The following ABCC9 variants were observed in gnomAD, a reference collection of about 807,000 sequenced individuals.
ABCC9 encodes the protein ATP-binding cassette sub-family C member 9.
A neutral mutation model predicts 188.3 loss-of-function variants in ABCC9; 95 were observed. The ratio of observed to expected loss-of-function variants is 0.50; its 90% CI spans 0.43 to 0.60. The LOEUF is 0.60. ABCC9 is among the 20% of genes least tolerant of loss of function. The probability of loss-of-function intolerance (pLI) is 0.00; values close to 1 mark genes in which losing one functional copy is unlikely to be tolerated. For synonymous variants in ABCC9, 659 were observed against 652.7 expected (o/e 1.01, Z -0.15); for missense variants, 1,102 against 1,876.3 (o/e 0.59, Z 7.62).
chr12:21,893,927 G>T, intron 14 of ABCC9, 105 bp downstream of exon 14: 1 of 1,129,428 alleles, frequency 8.9e-7, no homozygotes, highest in Non-Finnish European at 1.3e-6. Context: ...GTTGTCTCCT[G>T]GCAGTGATTT....
intron 35 of ABCC9, 106 bp downstream of exon 35, chr12:21,814,538 A>T (rs1321741341): frequency 1.1e-6 from 1 of 930,948 alleles, no homozygotes; most frequent in African/African-American, 1.7e-5. Context: ...TAGAGCACAA[A>T]GTCCTTATAA....
intron 8 of ABCC9, 53 bp downstream of exon 8, chr12:21,912,813 GACAATT>G: frequency 1.3e-6 from 2 of 1,554,476 alleles, no homozygotes; most frequent in Non-Finnish European, 1.8e-6. Flanking sequence ...AATAAAAAGT[GACAATT>G]ACAATGAAAT....
In ABCC9 at chr12:21,838,002, G is replaced by T. The variant is rs1944190823; in HGVS notation, c.3566+76C>A. ...GGAGATCAAACAAAATGAAAGCAAT[G>T]ATCAGTTATTTGTAGAAAAATATTT... On this transcript the variant is annotated intron_variant, in intron 30 of 39. Transcript: ENST00000261200. The T allele has an allele frequency of 3.4e-6, 4 of 1,179,646 alleles. No individual in the cohort carries two copies. The East Asian group carries it at 7.0e-5, about 21-fold the overall frequency. 73.1% of individuals were successfully genotyped at this position (1,179,646 alleles called of 1,614,324 possible).
chr12:21,931,930 C>G (rs1029879928), intron 4 of ABCC9, among the ~76,000 whole-genome samples: 2 of 152,048 alleles, frequency 1.3e-5, no homozygotes, highest in African/African-American at 2.4e-5. Context: ...GCGAAAAGCC[C>G]TCATAAAACA....
intron 22 of ABCC9, among the ~76,000 whole-genome samples, chr12:21,854,876 C>T (rs1160858223): frequency 6.6e-6 from 1 of 152,068 alleles, no homozygotes; most frequent in African/African-American, 2.4e-5. Context: ...GTGATATCTC[C>T]ACAGCAATGG....
In ABCC9 at chr12:21,829,018, A is replaced by G; in HGVS notation, c.3609T>C (p.Asp1203=). The G allele has an allele frequency of 6.2e-7, 1 of 1,614,038 alleles. No homozygotes were observed. The highest frequency in any genetic ancestry group is 8.5e-7 in the Non-Finnish European group (1 of 1,179,962). The change falls in exon 31 of 40, where the codon GAT becomes GAC. Residue 1203 remains aspartate, a synonymous_variant. Transcript: ENST00000261200. ...GAAATAAGTAGGCAATGTTGTTTGT[A>G]TCCGTCAGTTCCAGCATACGTTGTT... is the stretch of plus-strand genomic sequence containing the variant. ...RFKQRMLELT[D]TNNIAYLFLS...
Position 21,852,083 on chromosome 12 carries a change from CTA to C in ABCC9, c.2769+12_2769+13del. On this transcript the variant is annotated intron_variant, in intron 24 of 39. Coordinates refer to ENST00000261200, the MANE Select transcript of ABCC9 (RefSeq NM_020297.4). ...GAATTGGGCTCTGAACTCTTCTGAA[CTA>C]TGAGCACTTACCTTTTCTAATTCTT... The C allele has an allele frequency of 6.2e-7, 1 of 1,613,428 alleles. No individual in the cohort carries two copies. Among genetic ancestry groups the C allele is most frequent in the East Asian group, 2.2e-5 (1 of 44,798 alleles).
At chr12:21,841,565 G>A (rs1944397760) in intron 29 of ABCC9, among the ~76,000 whole-genome samples, 3 of 151,582 alleles carry the variant, frequency 2.0e-5, no homozygotes, top group Non-Finnish European at 4.4e-5. Flanking sequence ...CACCATGTTG[G>A]TCAGGCTGGT....
At chr12:21,903,375 A>G (rs1410801397) in intron 12 of ABCC9, among the ~76,000 whole-genome samples, 2 of 152,246 alleles carry the variant, frequency 1.3e-5, no homozygotes, top group Non-Finnish European at 2.9e-5. Context: ...GGCACAAGAC[A>G]GGGATGCCCT....
At chr12:21,875,578 G>A (rs980351036) in intron 17 of ABCC9, 76 bp downstream of exon 17, 8 of 1,094,456 alleles carry the variant, frequency 7.3e-6, no homozygotes, top group Non-Finnish European at 1.1e-5. Context: ...GTATCTTTTT[G>A]TTAGGCTCAA....
At chr12:21,926,121 T>A in intron 4 of ABCC9, 58 bp from the exon 5 acceptor site, 1 of 1,607,538 alleles carries the variant, frequency 6.2e-7, no homozygotes, top group Non-Finnish European at 8.5e-7. Context: ...TTTCTTATTT[T>A]TTTTCAAATT....
chr12:21,887,969 CA>C, intron 14 of ABCC9, 35 bp from the exon 15 acceptor site: 1 of 1,484,356 alleles, frequency 6.7e-7, no homozygotes, highest in Non-Finnish European at 9.4e-7. Context: ...TAAGAGTTAA[CA>C]ATAAAACCAC....
intron 35 of ABCC9, among the ~76,000 whole-genome samples, chr12:21,812,760 G>A (rs1369255286): frequency 2.6e-5 from 4 of 151,990 alleles, no homozygotes; most frequent in Non-Finnish European, 4.4e-5. Flanking sequence ...ATGATGGGTT[G>A]ATGGGTGCAG....
chr12:21,860,487 A>C (rs1335099243), intron 21 of ABCC9, among the ~76,000 whole-genome samples: 1 of 152,208 alleles, frequency 6.6e-6, no homozygotes, highest in Non-Finnish European at 1.5e-5. Context: ...AACGATTAAA[A>C]CATTGTAGAC....
At chr12:21,817,395 T>G in intron 32 of ABCC9, 88 bp from the exon 33 acceptor site, 1 of 1,317,548 alleles carries the variant, frequency 7.6e-7, no homozygotes, top group South Asian at 1.2e-5. Flanking sequence ...CGAGATAACT[T>G]GGACCATTAG....
intron 3 of ABCC9, among the ~76,000 whole-genome samples, chr12:21,936,266 A>G (rs1565501506): frequency 6.6e-6 from 1 of 152,084 alleles, no homozygotes; most frequent in African/African-American, 2.4e-5. Flanking sequence ...CTGTAGATCT[A>G]TCTCATATAT....
At chr12:21,926,531 C>T (rs530248263) in intron 4 of ABCC9, among the ~76,000 whole-genome samples, 1 of 152,188 alleles carries the variant, frequency 6.6e-6, no homozygotes, top group Non-Finnish European at 1.5e-5. Context: ...TGGATGCAAC[C>T]ATGAAGAAAA....
intron 12 of ABCC9, among the ~76,000 whole-genome samples, chr12:21,904,222 CAT>C (rs1947921066): frequency 6.6e-6 from 1 of 152,138 alleles, no homozygotes; most frequent in South Asian, 2.1e-4. Flanking sequence ...ACTGGCTATC[CAT>C]ATGTAGAAAG....
chr12:21,862,410 T>A, intron 20 of ABCC9, among the ~76,000 whole-genome samples: 1 of 151,988 alleles, frequency 6.6e-6, no homozygotes, highest in East Asian at 1.9e-4. Flanking sequence ...CCTCTCCACT[T>A]ACTTTATTCT....
Sources: gnomAD v4.1 joint callset for allele counts (sites outside exome capture counted in the v4.1 genomes callset) on GRCh38, gnomAD v4.1.1 for gene constraint, MANE v1.5 for transcripts, NCBI Gene and HGNC (gene_info 2026-07-23, HGNC 2026-07-21) for gene names.